The following MCPH1 variants were observed in gnomAD, a reference collection of about 807,000 sequenced individuals.
MCPH1 encodes the protein microcephalin.
MCPH1 carries 104 observed loss-of-function variants against 84.5 expected under a neutral mutation model. That is an observed-to-expected ratio of 1.23 (90% confidence interval 1.05 to 1.45). The LOEUF is 1.45. MCPH1 is among the 40% of genes most tolerant of loss of function. The pLI, the probability that MCPH1 is intolerant of heterozygous loss-of-function variation, is 0.00. For synonymous variants in MCPH1, 514 were observed against 366.8 expected, an observed-to-expected ratio of 1.40 and a Z score of -4.58; for missense variants, 1,498 against 1,005.7, an observed-to-expected ratio of 1.49 and a Z score of -6.62.
At chr8:6,597,250 G>A (rs147908350) in intron 12 of MCPH1, among the ~76,000 whole-genome samples, 3 of 152,300 alleles carry the variant, frequency 2.0e-5, no homozygotes, top group Non-Finnish European at 2.9e-5. Flanking sequence ...CATGGACGCC[G>A]TCTTTACCAT....
Position 6,627,316 on chromosome 8 carries a change from G to C in MCPH1, c.2452+5625G>C, listed in dbSNP as rs968401355. ...GGGGAGGCCATCTGCAGAAGCTGTG[G>C]AGAGTGGCAGAGAGGAGAGTGAGGA... On this transcript the variant is annotated intron_variant, in intron 13 of 13. Coordinates refer to ENST00000344683, the MANE Select transcript of MCPH1 (RefSeq NM_024596.5). 6 of 982,740 alleles carry C rather than the reference G, an allele frequency of 6.1e-6. No individual in the cohort carries two copies. In the African/African-American group the frequency reaches 1.0e-4, roughly 17 times the overall value. The allele number at this position is 982,740 out of a possible 1,614,324, so 60.9% of individuals were successfully genotyped here.
chr8:6,482,957 G>T (rs1410887765), intron 11 of MCPH1, among the ~76,000 whole-genome samples: 1 of 152,184 alleles, frequency 6.6e-6, no homozygotes, highest in East Asian at 1.9e-4. Flanking sequence ...AAGGCATGTA[G>T]GTTAGAAAGG....
chr8:6,580,079 G>C (rs1035846073), intron 12 of MCPH1, among the ~76,000 whole-genome samples: 1 of 152,212 alleles, frequency 6.6e-6, no homozygotes, highest in African/African-American at 2.4e-5. Context: ...ACAGCTGCCT[G>C]TTCCCTAGAA....
At chr8:6,439,218 T>A (rs1047008982) in intron 6 of MCPH1, 122 bp downstream of exon 6, 217 of 1,012,416 alleles carry the variant, frequency 2.1e-4, no homozygotes, top group Non-Finnish European at 3.0e-4. Flanking sequence ...TTTGACTTAT[T>A]TCATGGCTGG....
At chr8:6,640,645 C>G (rs1479946010) in intron 13 of MCPH1, among the ~76,000 whole-genome samples, 2 of 152,100 alleles carry the variant, frequency 1.3e-5, no homozygotes, top group Non-Finnish European at 2.9e-5. Flanking sequence ...CTTATGGTGT[C>G]TTAAGTATTA....
At chr8:6,431,729 C>A in intron 4 of MCPH1, 143 bp downstream of exon 4, 1 of 612,022 alleles carries the variant, frequency 1.6e-6, no homozygotes, top group Non-Finnish European at 2.9e-6. Flanking sequence ...TTTCACATAG[C>A]ATTTTTAAGT....
chr8:6,448,892 T>G (rs2129556192), intron 8 of MCPH1, among the ~76,000 whole-genome samples: 2 of 152,304 alleles, frequency 1.3e-5, no homozygotes, highest in South Asian at 4.1e-4. Context: ...ATGAGATGAT[T>G]ACATAATGAG....
At chr8:6,631,846 A>T (rs1003740231) in intron 13 of MCPH1, among the ~76,000 whole-genome samples, 1 of 152,214 alleles carries the variant, frequency 6.6e-6, no homozygotes, top group Non-Finnish European at 1.5e-5. Context: ...GTATATGCCA[A>T]AAAAATTGAA....
At chr8:6,626,923 G>C (rs537993894) in intron 13 of MCPH1, 11 of 984,096 alleles carry the variant, frequency 1.1e-5, no homozygotes, top group African/African-American at 8.8e-5. Flanking sequence ...CTCCATTCAA[G>C]TGATAAGACA....
intron 12 of MCPH1, among the ~76,000 whole-genome samples, chr8:6,585,869 T>C (rs1395052013): frequency 6.6e-6 from 1 of 152,246 alleles, no homozygotes; most frequent in African/African-American, 2.4e-5. Flanking sequence ...ACAGTCACAG[T>C]GTGCATTTTT....
chr8:6,447,166 C>A (rs767804794), intron 8 of MCPH1: 1 of 985,290 alleles, frequency 1.0e-6, no homozygotes, highest in Non-Finnish European at 1.2e-6. Context: ...CTAAATCGAA[C>A]CCTTTTATAG....
chr8:6,572,017 T>G (rs1223745210), intron 12 of MCPH1, among the ~76,000 whole-genome samples: 2 of 152,214 alleles, frequency 1.3e-5, no homozygotes, highest in African/African-American at 4.8e-5. Flanking sequence ...AAGCATTTTC[T>G]TTGGTACCCC....
chr8:6,431,774 C>T (rs1296043682), intron 4 of MCPH1, among the ~76,000 whole-genome samples, 188 bp downstream of exon 4: 1 of 152,046 alleles, frequency 6.6e-6, no homozygotes, highest in Non-Finnish European at 1.5e-5. Context: ...ATGACTTCTT[C>T]GATAGCATTT....
At chr8:6,500,816 T>G (rs548373756) in intron 12 of MCPH1, 8 of 152,308 alleles carry the variant, frequency 5.3e-5, no homozygotes, top group Non-Finnish European at 8.8e-5. Flanking sequence ...TTCTCGCTCA[T>G]AAGAGATTAT....
intron 6 of MCPH1, 88 bp downstream of exon 6, chr8:6,439,184 T>G (rs994129528): frequency 1.5e-6 from 2 of 1,334,360 alleles, no homozygotes; most frequent in African/African-American, 1.5e-5. Flanking sequence ...CTAGATATTT[T>G]AATGTTTCCT....
chr8:6,600,008 A>G (rs564513112), intron 12 of MCPH1, among the ~76,000 whole-genome samples: 6 of 152,352 alleles, frequency 3.9e-5, no homozygotes, highest in East Asian at 3.9e-4. Context: ...TCTATGTTCT[A>G]TTTGCTAGGA....
At chr8:6,418,130 AC>A (rs1248770895) in intron 3 of MCPH1, among the ~76,000 whole-genome samples, 1 of 152,024 alleles carries the variant, frequency 6.6e-6, no homozygotes, top group Non-Finnish European at 1.5e-5. Flanking sequence ...TGGTTCTCTT[AC>A]TTCCTGAGTC....
Position 6,455,185 on chromosome 8 carries a change from C to T in MCPH1, c.1868C>T (p.Ser623Leu), listed in dbSNP as rs1563233673. 1.9e-6 allele frequency: 3 copies of T among 1,613,910 alleles called. No individual in the cohort carries two copies. Among genetic ancestry groups the T allele is most frequent in the Admixed American group, 3.3e-5 (2 of 60,002 alleles). The change falls in exon 9 of 14, where the codon TCA (serine) becomes TTA (leucine). Residue 623 changes from serine to leucine, a missense_variant. Physicochemically the swap from Ser to Leu is moderately radical, Grantham distance 145. Coordinates refer to ENST00000344683, the MANE Select transcript of MCPH1 (RefSeq NM_024596.5). ...ACAAGGCATGATGTTTTAGATGACT[C>T]ATGTGACGGCTTTAAGGACCTCATC... ...RPTRHDVLDDSCDGFKDLIKP... is the reference protein window; with the variant it reads ...RPTRHDVLDDLCDGFKDLIKP...
At chr8:6,453,741 G>A (rs542628018) in intron 8 of MCPH1, among the ~76,000 whole-genome samples, 40 of 152,144 alleles carry the variant, frequency 2.6e-4, no homozygotes, top group Non-Finnish European at 4.4e-4. Flanking sequence ...ATAGGAGATT[G>A]CATTCATGTT....
Sources: gnomAD v4.1 joint callset for allele counts (sites outside exome capture counted in the v4.1 genomes callset) on GRCh38, gnomAD v4.1.1 for gene constraint, MANE v1.5 for transcripts, NCBI Gene and HGNC (gene_info 2026-07-23, HGNC 2026-07-21) for gene names.